Variants in LAMA2 observed in about 807,000 individuals in gnomAD.
LAMA2 encodes the protein laminin subunit alpha-2.
A neutral mutation model predicts 364.8 loss-of-function variants in LAMA2; 269 were observed. That is an observed-to-expected ratio of 0.74 (90% CI 0.67 to 0.82). The LOEUF (loss-of-function observed/expected upper bound fraction) is 0.82. Among genes scored for constraint, LAMA2 ranks in the 40% least tolerant of loss-of-function variants. The pLI is 0.00. For missense variants in LAMA2, 3,807 were observed against 3,873.2 expected, an observed-to-expected ratio of 0.98 and a Z score of 0.45; for synonymous variants, 1,379 against 1,370.6, an observed-to-expected ratio of 1.01 and a Z score of -0.14.
intron 12 of LAMA2, among the ~76,000 whole-genome samples, chr6:129,238,251 A>T (rs778286320): frequency 2.0e-5 from 3 of 152,156 alleles, no homozygotes; most frequent in Non-Finnish European, 4.4e-5. Flanking sequence ...ATCTATTCTG[A>T]ACTTACTGAA....
intron 3 of LAMA2, among the ~76,000 whole-genome samples, chr6:129,096,051 A>C (rs781117878): frequency 2.0e-5 from 3 of 152,226 alleles, no homozygotes; most frequent in African/African-American, 7.2e-5. Context: ...TAGGACCAAG[A>C]TATTTCATAT....
chr6:129,314,361 T>G (rs1270754269), intron 23 of LAMA2, among the ~76,000 whole-genome samples: 1 of 131,438 alleles, frequency 7.6e-6, no homozygotes, highest in Non-Finnish European at 1.5e-5. Context: ...ATAGCGCCAC[T>G]GCACTCTGGC....
intron 4 of LAMA2, among the ~76,000 whole-genome samples, chr6:129,109,904 A>C (rs1776045169): frequency 6.6e-6 from 1 of 152,042 alleles, no homozygotes; most frequent in East Asian, 1.9e-4. Context: ...ACAGCCCTCT[A>C]TCCCATTCAA....
At chr6:129,094,563 A>G (rs1246987489) in intron 3 of LAMA2, among the ~76,000 whole-genome samples, 2 of 152,164 alleles carry the variant, frequency 1.3e-5, no homozygotes, top group African/African-American at 2.4e-5. Flanking sequence ...CTTATCACAT[A>G]TTTGCATACT....
intron 1 of LAMA2, among the ~76,000 whole-genome samples, chr6:128,946,820 G>A (rs1780512711): frequency 6.6e-6 from 1 of 152,168 alleles, no homozygotes; most frequent in Admixed American, 6.5e-5. Flanking sequence ...ATTGCTGAAA[G>A]TTTAGGTTTT....
intron 4 of LAMA2, among the ~76,000 whole-genome samples, chr6:129,102,417 G>A (rs1454246914): frequency 1.3e-5 from 2 of 151,966 alleles, no homozygotes; most frequent in Non-Finnish European, 2.9e-5. Flanking sequence ...TTACAGGCAT[G>A]AGCCACTGTG....
At chr6:129,417,502 C>T (rs1005650365) in intron 40 of LAMA2, among the ~76,000 whole-genome samples, 2 of 152,040 alleles carry the variant, frequency 1.3e-5, no homozygotes, top group Non-Finnish European at 2.9e-5. Context: ...AAAAAAGCAC[C>T]ATAAGTTCTC....
intron 4 of LAMA2, among the ~76,000 whole-genome samples, chr6:129,118,491 C>G (rs968715713): frequency 6.6e-6 from 1 of 152,116 alleles, no homozygotes; most frequent in African/African-American, 2.4e-5. Context: ...GATTTTAAAG[C>G]TATCTGAAAA....
At chr6:129,225,471 A>G (rs1380872963) in intron 12 of LAMA2, among the ~76,000 whole-genome samples, 1 of 152,150 alleles carries the variant, frequency 6.6e-6, no homozygotes, top group Non-Finnish European at 1.5e-5. Flanking sequence ...GTGGGCATTT[A>G]GTGCTATAAA....
intron 1 of LAMA2, among the ~76,000 whole-genome samples, chr6:129,008,965 C>T (rs1022592277): frequency 1.3e-5 from 2 of 152,108 alleles, no homozygotes; most frequent in Non-Finnish European, 2.9e-5. Context: ...TTCAAAGACC[C>T]AGATAGAAAT....
chr6:129,267,047 A>G, intron 15 of LAMA2, 59 bp from the exon 16 acceptor site: 2 of 1,104,802 alleles, frequency 1.8e-6, no homozygotes, highest in Non-Finnish European at 2.8e-6. Context: ...ACACAAACAA[A>G]CAAAAACACC....
At position 129,443,072 on chromosome 6, in the gene LAMA2, C is replaced by A; in HGVS notation, c.6274+4C>A. The A allele has an allele frequency of 6.3e-7, 1 of 1,591,894 alleles. No homozygotes were observed. Among genetic ancestry groups the A allele is most frequent in the Non-Finnish European group, 8.6e-7 (1 of 1,165,304 alleles). On this transcript the variant is annotated splice_donor_region_variant and intron_variant, in intron 44 of 64. Transcript: ENST00000421865. Reference sequence around the variant, plus strand: ...GTGAAATTGCCTGCAGAAATCAGTACGTATATGTTTACTTATATACCTTTT... The same window carrying A: ...GTGAAATTGCCTGCAGAAATCAGTAAGTATATGTTTACTTATATACCTTTT...
chr6:129,138,734 A>G (rs1409136937), intron 4 of LAMA2, among the ~76,000 whole-genome samples: 1 of 152,170 alleles, frequency 6.6e-6, no homozygotes, highest in Non-Finnish European at 1.5e-5. Flanking sequence ...ATTTTTCAGT[A>G]ATTATGCTGA....
chr6:129,192,610 G>C, intron 11 of LAMA2, 70 bp from the exon 12 acceptor site: 1 of 1,450,800 alleles, frequency 6.9e-7, no homozygotes, highest in Non-Finnish European at 9.6e-7. Context: ...ACACGACCAG[G>C]AACATGAAAG....
chr6:129,274,767 G>T (rs1788184591), intron 17 of LAMA2, among the ~76,000 whole-genome samples: 1 of 151,924 alleles, frequency 6.6e-6, no homozygotes, highest in African/African-American at 2.4e-5. Flanking sequence ...GGCAGTAAAA[G>T]TTATCTGGAG....
chr6:129,200,454 A>G (rs1768572027), intron 12 of LAMA2, among the ~76,000 whole-genome samples: 1 of 150,510 alleles, frequency 6.6e-6, no homozygotes, highest in African/African-American at 2.4e-5. Flanking sequence ...ATATGTATAT[A>G]TATACATGTA....
chr6:129,203,345 A>G (rs1298004362), intron 12 of LAMA2, among the ~76,000 whole-genome samples: 1 of 152,248 alleles, frequency 6.6e-6, no homozygotes, highest in African/African-American at 2.4e-5. Flanking sequence ...ACACTAGCCT[A>G]CGTGCATATG....
intron 1 of LAMA2, among the ~76,000 whole-genome samples, chr6:128,908,427 G>T (rs1777648195): frequency 6.7e-6 from 1 of 149,876 alleles, no homozygotes; most frequent in African/African-American, 2.4e-5. Flanking sequence ...TTGCGTAGAG[G>T]TGTTTATAGT....
intron 1 of LAMA2, among the ~76,000 whole-genome samples, chr6:128,951,665 G>T (rs1272291222): frequency 6.6e-6 from 1 of 152,074 alleles, no homozygotes; most frequent in East Asian, 1.9e-4. Context: ...TTGCAGTCTA[G>T]TGTCATCAAG....
Sources: gnomAD v4.1 joint callset for allele counts (sites outside exome capture counted in the v4.1 genomes callset) on GRCh38, gnomAD v4.1.1 for gene constraint, MANE v1.5 for transcripts, NCBI Gene and HGNC (gene_info 2026-07-23, HGNC 2026-07-21) for gene names.